C3orf70: variants seen among roughly 807,000 people sequenced by gnomAD.
C3orf70 encodes the protein chromosome 3 open reading frame 70, also known as UPF0524 protein C3orf70.
A neutral mutation model predicts 20.7 loss-of-function variants in C3orf70; 15 were observed. The ratio of observed to expected loss-of-function variants is 0.72; its 90% confidence interval spans 0.48 to 1.11. The LOEUF is 1.11. Ranked by LOEUF, C3orf70 falls within the 50% of genes most tolerant of loss-of-function variation. The pLI, the probability that C3orf70 is intolerant of heterozygous loss-of-function variation, is 0.00. For missense variants in C3orf70, 332 were observed against 317.6 expected (o/e 1.05, Z -0.34); for synonymous variants, 161 against 125.7 (o/e 1.28, Z -1.88).
intron 1 of C3orf70, among the ~76,000 whole-genome samples, chr3:185,105,362 C>T (rs956836968): frequency 2.0e-5 from 3 of 152,240 alleles, no homozygotes; most frequent in African/African-American, 7.2e-5. Flanking sequence ...CTGGCCCACT[C>T]AGGGTGGAAA....
At chr3:185,105,840 G>A (rs1327229347) in intron 1 of C3orf70, among the ~76,000 whole-genome samples, 4 of 152,210 alleles carry the variant, frequency 2.6e-5, no homozygotes, top group Admixed American at 2.6e-4. Context: ...GTAAGAAGGG[G>A]AGCTTGGAAG....
At position 185,082,893 on chromosome 3, in the gene C3orf70, T is replaced by G. The variant is rs549148730; in HGVS notation, c.*114A>C. ...ACCACTGAACTGCTACGGTTGTTGG[T>G]TGGAGCGGGGCGGGGTGGGTAGAAA... is the stretch of plus-strand genomic sequence containing the variant. On this transcript the variant is annotated 3_prime_UTR_variant, in exon 2 of 2. Transcript: ENST00000335012. 6.5e-5 allele frequency: 66 copies of G among 1,009,808 alleles called. No individual in the cohort carries two copies. Among genetic ancestry groups the G allele is most frequent in the Non-Finnish European group, 9.0e-5 (61 of 677,564 alleles). The allele number at this position is 1,009,808 out of a possible 1,614,324, so 62.6% of individuals were successfully genotyped here. A position where few individuals can be genotyped will look rare whatever the true frequency, so the allele number is the denominator to read the frequency against.
intron 1 of C3orf70, among the ~76,000 whole-genome samples, chr3:185,107,380 A>G (rs1715966309): frequency 6.6e-6 from 1 of 152,218 alleles, no homozygotes; most frequent in South Asian, 2.1e-4. Flanking sequence ...GAACAATTAT[A>G]TAGCCCTCAA....
intron 1 of C3orf70, among the ~76,000 whole-genome samples, chr3:185,150,172 G>A (rs888806135): frequency 1.3e-5 from 2 of 152,166 alleles, no homozygotes; most frequent in East Asian, 3.8e-4. Context: ...GCAACTAGGT[G>A]GCTAGGTAAT....
In C3orf70 at chr3:185,083,154, C is replaced by T. The variant is rs749591169; in HGVS notation, c.606G>A (p.Ser202=). 7 of 1,614,168 alleles carry T rather than the reference C, an allele frequency of 4.3e-6. No individual in the cohort carries two copies. Among genetic ancestry groups the T allele is most frequent in the Non-Finnish European group, 5.1e-6 (6 of 1,180,028 alleles). ...CTCCTTCTTCTGTGTCCTCGTCACACGATTCCACATAGTGAGCCCCAATCG... is the reference window on the plus strand; with the variant it reads ...CTCCTTCTTCTGTGTCCTCGTCACATGATTCCACATAGTGAGCCCCAATCG... The part of the protein sequence containing the change: ...INAIGAHYVE[S]CDEDTEEGAE... The change falls in exon 2 of 2, where the codon TCG becomes TCA. Residue 202 remains serine, a synonymous_variant. Coordinates refer to ENST00000335012, the MANE Select transcript of C3orf70 (RefSeq NM_001025266.3).
intron 1 of C3orf70, among the ~76,000 whole-genome samples, chr3:185,143,571 T>C (rs1716799943): frequency 2.0e-5 from 3 of 152,308 alleles, no homozygotes; most frequent in African/African-American, 7.2e-5. Context: ...TTTGGCAGTA[T>C]GCTTACAAAA....
intron 1 of C3orf70, among the ~76,000 whole-genome samples, chr3:185,120,714 T>TAAAAAAA (rs565950615): frequency 5.5e-5 from 4 of 72,780 alleles, no homozygotes; most frequent in Non-Finnish European, 6.4e-5. Context: ...AATCCAAAAC[T>TAAAAAAA]AAAAAAAAAA....
intron 1 of C3orf70, among the ~76,000 whole-genome samples, chr3:185,087,007 G>A (rs1439240422): frequency 6.6e-6 from 1 of 152,104 alleles, no homozygotes; most frequent in Non-Finnish European, 1.5e-5. Flanking sequence ...CCTAGGCCGA[G>A]AATCCATGTT....
In C3orf70 at chr3:185,083,199, A is replaced by T. The variant is rs750259038; in HGVS notation, c.561T>A (p.Ser187=). 6.2e-7 allele frequency: 1 copy of T among 1,614,072 alleles called. No homozygotes were observed. The highest frequency in any genetic ancestry group is 1.3e-5 in the African/African-American group (1 of 74,900). The change falls in exon 2 of 2, where the codon TCT becomes TCA. Residue 187 remains serine, a synonymous_variant. Transcript: ENST00000335012. ...KIDHCSSPSS[S]EDSGINAIGA... ...CAATCGCATTGATCCCAGAGTCCTCAGAACTTGAGGGAGAAGAGCAGTGAT... is the reference window on the plus strand; with the variant it reads ...CAATCGCATTGATCCCAGAGTCCTCTGAACTTGAGGGAGAAGAGCAGTGAT...
In C3orf70 at chr3:185,114,590, T is replaced by C. The variant is rs566654658; in HGVS notation, c.197-31027A>G. Reference sequence around the variant, plus strand: ...ATGTAAATGAAAGCACCTATCATCATTCTTGCTAGACAGTGGATTCTTACT... The same window carrying C: ...ATGTAAATGAAAGCACCTATCATCACTCTTGCTAGACAGTGGATTCTTACT... On this transcript the variant is annotated intron_variant, in intron 1 of 1. Coordinates refer to ENST00000335012, the MANE Select transcript of C3orf70 (RefSeq NM_001025266.3). Among the ~76,000 whole-genome samples, 9 of 152,340 alleles carry C rather than the reference T, an allele frequency of 5.9e-5. No homozygotes were observed. The South Asian group carries it at 1.9e-3, about 32-fold the overall frequency.
intron 1 of C3orf70, among the ~76,000 whole-genome samples, chr3:185,091,329 A>G (rs2108588457): frequency 6.6e-6 from 1 of 152,210 alleles, no homozygotes; most frequent in East Asian, 1.9e-4. Context: ...AAAAGGGCAA[A>G]GGAGGATAAA....
At position 185,079,036 on chromosome 3, in the gene C3orf70, C is replaced by G. The variant is rs538399083; in HGVS notation, c.*3971G>C. 4 of 152,130 alleles carry G rather than the reference C, an allele frequency of 2.6e-5. No homozygotes were observed. Among genetic ancestry groups the G allele is most frequent in the African/African-American group, 9.7e-5 (4 of 41,408 alleles). 9.4% of individuals were successfully genotyped at this position (152,130 alleles called of 1,614,324 possible). A position where few individuals can be genotyped will look rare whatever the true frequency, so the allele number is the denominator to read the frequency against. ...GTGGTTCACGCCTGCAATCCCAGCA[C>G]TTTGGGAAGCCGAGGAGGGTGGATC... On this transcript the variant is annotated 3_prime_UTR_variant, in exon 2 of 2. Transcript: ENST00000335012.
At position 185,152,752 on chromosome 3, in the gene C3orf70, C is replaced by G; in HGVS notation, c.72G>C (p.Leu24=). The change falls in exon 1 of 2, where the codon CTG becomes CTC. Residue 24 remains leucine (L), a synonymous_variant. Coordinates refer to ENST00000335012, the MANE Select transcript of C3orf70 (RefSeq NM_001025266.3). ...GTCTGCGGGCGGCGCAACTCCGCGC[C>G]AGGGCCTGAGCCTCATCTAGTTTCT... ...KSEKLDEAQA[L]ARSCAARRPD... The G allele has an allele frequency of 6.3e-7, 1 of 1,594,360 alleles. No homozygotes were observed.
chr3:185,087,431 A>G (rs935207564), intron 1 of C3orf70, among the ~76,000 whole-genome samples: 2 of 152,238 alleles, frequency 1.3e-5, no homozygotes, highest in African/African-American at 4.8e-5. Context: ...AGTGTCCATG[A>G]TGGATGAACA....
chr3:185,088,509 A>C (rs1048312708), intron 1 of C3orf70, among the ~76,000 whole-genome samples: 3 of 151,842 alleles, frequency 2.0e-5, no homozygotes, highest in Non-Finnish European at 4.4e-5. Context: ...ATTTCTTAAA[A>C]TTTTATATAA....
At chr3:185,117,937 T>G (rs1321062214) in intron 1 of C3orf70, among the ~76,000 whole-genome samples, 1 of 152,222 alleles carries the variant, frequency 6.6e-6, no homozygotes, top group Non-Finnish European at 1.5e-5. Flanking sequence ...AGGTTTAGTG[T>G]TACTTCCTCA....
chr3:185,091,864 T>TATA (rs1561330327), intron 1 of C3orf70, among the ~76,000 whole-genome samples: 1 of 124,500 alleles, frequency 8.0e-6, no homozygotes, highest in Non-Finnish European at 1.6e-5. Context: ...ATGTATTATA[T>TATA]TATATATATA....
intron 1 of C3orf70, among the ~76,000 whole-genome samples, chr3:185,105,603 CAGGCTGTG>C (rs1715917385): frequency 6.6e-6 from 1 of 152,228 alleles, no homozygotes; most frequent in Admixed American, 6.5e-5. Flanking sequence ...CTCAGCTCTG[CAGGCTGTG>C]AGACCCCTGA....
At chr3:185,124,796 G>A (rs1716373900) in intron 1 of C3orf70, among the ~76,000 whole-genome samples, 1 of 152,034 alleles carries the variant, frequency 6.6e-6, no homozygotes, top group South Asian at 2.1e-4. Context: ...CTGATATCCA[G>A]TATATAGAAA....
Sources: gnomAD v4.1 joint callset for allele counts (sites outside exome capture counted in the v4.1 genomes callset) on GRCh38, gnomAD v4.1.1 for gene constraint, MANE v1.5 for transcripts, NCBI Gene and HGNC (gene_info 2026-07-23, HGNC 2026-07-21) for gene names.